RASA1: variants seen among roughly 807,000 people sequenced by gnomAD.
The protein encoded by RASA1 is ras GTPase-activating protein 1.
Under a neutral mutation model 132.2 loss-of-function variants are expected in RASA1, and 25 were observed. The ratio of observed to expected loss-of-function variants is 0.19; its 90% CI spans 0.14 to 0.26. The LOEUF is 0.26. Among genes scored for constraint, RASA1 ranks in the 10% least tolerant of loss-of-function variants. The pLI is 1.00. For missense variants in RASA1, 964 were observed against 1,299.2 expected, an observed-to-expected ratio of 0.74 and a Z score of 3.97; for synonymous variants, 477 against 449.9, an observed-to-expected ratio of 1.06 and a Z score of -0.76.
chr5:87,319,175 T>C (rs1475376373), intron 1 of RASA1, among the ~76,000 whole-genome samples: 2 of 152,194 alleles, frequency 1.3e-5, no homozygotes, highest in African/African-American at 4.8e-5. Context: ...CACAGCTGCT[T>C]TAATGGGCTG....
chr5:87,333,623 T>C (rs1462236400), intron 4 of RASA1, among the ~76,000 whole-genome samples: 1 of 152,222 alleles, frequency 6.6e-6, no homozygotes, highest in Admixed American at 6.5e-5. Flanking sequence ...CTATATGCTA[T>C]GTAAATTTTT....
chr5:87,364,574 G>A (rs752154960), intron 11 of RASA1, among the ~76,000 whole-genome samples: 12 of 152,018 alleles, frequency 7.9e-5, no homozygotes, highest in African/African-American at 2.7e-4. Context: ...CAAAGATTGC[G>A]TGAGGACAGG....
intron 15 of RASA1, among the ~76,000 whole-genome samples, chr5:87,375,117 A>G (rs1269372504): frequency 6.6e-6 from 1 of 152,230 alleles, no homozygotes; most frequent in Non-Finnish European, 1.5e-5. Context: ...ATATGGTTCA[A>G]CTGTACACAC....
intron 1 of RASA1, among the ~76,000 whole-genome samples, chr5:87,277,313 T>C (rs1754109384): frequency 6.6e-6 from 1 of 152,196 alleles, no homozygotes; most frequent in African/African-American, 2.4e-5. Context: ...AGTTCCCCCC[T>C]GTCCCCCATA....
At chr5:87,282,373 TG>T (rs1754355669) in intron 1 of RASA1, among the ~76,000 whole-genome samples, 1 of 152,236 alleles carries the variant, frequency 6.6e-6, no homozygotes. Context: ...TTTCAGAAGT[TG>T]AAAAATTTTG....
chr5:87,268,197 G>A lies in RASA1; in HGVS notation c.-255G>A, dbSNP rs138444301. 199 of 559,776 alleles carry A rather than the reference G, an allele frequency of 3.6e-4. No homozygotes were observed. In the Middle Eastern group the frequency reaches 8.4e-3, roughly 24 times the overall value. The allele number at this position is 559,776 out of a possible 1,614,324, so 34.7% of individuals were successfully genotyped here. ...TGTGTGCGTGAGTGTGGGTGTGTGCGGTGAGGTTTGGGTGGCGTTTGTGCA... is the reference window on the plus strand; with the variant it reads ...TGTGTGCGTGAGTGTGGGTGTGTGCAGTGAGGTTTGGGTGGCGTTTGTGCA... On this transcript the variant is annotated 5_prime_UTR_variant, in exon 1 of 25. Transcript: ENST00000274376.
At chr5:87,285,297 G>A (rs1754500653) in intron 1 of RASA1, among the ~76,000 whole-genome samples, 1 of 151,810 alleles carries the variant, frequency 6.6e-6, no homozygotes, top group Admixed American at 6.6e-5. Context: ...TTGATTTCTT[G>A]ACCTCGTGAT....
At chr5:87,308,874 A>T (rs1755741864) in intron 1 of RASA1, among the ~76,000 whole-genome samples, 1 of 152,202 alleles carries the variant, frequency 6.6e-6, no homozygotes, top group Admixed American at 6.5e-5. Flanking sequence ...GTAGTAGGCC[A>T]TGGCAGTTAG....
chr5:87,364,970 G>A (rs1187508925), intron 11 of RASA1, among the ~76,000 whole-genome samples: 6 of 152,126 alleles, frequency 3.9e-5, no homozygotes, highest in African/African-American at 1.4e-4. Context: ...CCATATGTAT[G>A]GGTGAAATGG....
intron 1 of RASA1, chr5:87,318,739 A>G (rs1309356810): frequency 6.6e-6 from 1 of 152,168 alleles, no homozygotes; most frequent in Non-Finnish European, 1.5e-5. Context: ...GCCAAACCAT[A>G]TCATTCTCCC....
intron 10 of RASA1, 68 bp from the exon 11 acceptor site, chr5:87,363,280 T>G (rs1309733069): frequency 1.5e-6 from 2 of 1,352,714 alleles, no homozygotes; most frequent in Non-Finnish European, 2.1e-6. Flanking sequence ...TTAGAAACAC[T>G]AATTTTAATA....
In RASA1 at chr5:87,371,742, A is replaced by T. The variant is rs971999968; in HGVS notation, c.1699-376A>T. Reference sequence around the variant, plus strand: ...CACAAAGTGTATCAAGTTAAATTCCACCTAAGCTTGCCTCAAGTATAACAG... The same window carrying T: ...CACAAAGTGTATCAAGTTAAATTCCTCCTAAGCTTGCCTCAAGTATAACAG... On this transcript the variant is annotated intron_variant, in intron 12 of 24. Coordinates refer to ENST00000274376, the MANE Select transcript of RASA1 (RefSeq NM_002890.3). 5.9e-5 allele frequency among the ~76,000 whole-genome samples: 9 copies of T among 152,152 alleles called. No individual in the cohort carries two copies. The East Asian group carries it at 1.5e-3, about 26-fold the overall frequency.
At chr5:87,304,259 C>G (rs893336427) in intron 1 of RASA1, among the ~76,000 whole-genome samples, 1 of 152,126 alleles carries the variant, frequency 6.6e-6, no homozygotes, top group African/African-American at 2.4e-5. Flanking sequence ...TAAGATACAT[C>G]TCTTATAAGT....
At chr5:87,389,309 C>T in intron 23 of RASA1, 84 bp from the exon 24 acceptor site, 1 of 1,544,606 alleles carries the variant, frequency 6.5e-7, no homozygotes, top group Non-Finnish European at 8.9e-7. Flanking sequence ...TCAGCCTGGG[C>T]AACAAGAGCG....
At chr5:87,340,650 TTG>T (rs1758365961) in intron 5 of RASA1, among the ~76,000 whole-genome samples, 1 of 152,128 alleles carries the variant, frequency 6.6e-6, no homozygotes, top group African/African-American at 2.4e-5. Context: ...GTCTTTTATA[TTG>T]AAAGTAGAAG....
chr5:87,382,674 A>C (rs1051491696), intron 20 of RASA1, among the ~76,000 whole-genome samples: 7 of 152,198 alleles, frequency 4.6e-5, no homozygotes, highest in African/African-American at 1.7e-4. Flanking sequence ...CATTGTCCCA[A>C]AGTAAAATTA....
intron 1 of RASA1, among the ~76,000 whole-genome samples, chr5:87,296,755 A>C (rs1755137411): frequency 6.6e-6 from 1 of 151,888 alleles, no homozygotes; most frequent in Non-Finnish European, 1.5e-5. Context: ...CTTGAATATG[A>C]TATGCTTAGA....
At chr5:87,354,920 C>A (rs2112436138) in intron 9 of RASA1, among the ~76,000 whole-genome samples, 1 of 152,212 alleles carries the variant, frequency 6.6e-6, no homozygotes, top group East Asian at 1.9e-4. Flanking sequence ...TTCCCTTAAG[C>A]CAAAGCCTAT....
In RASA1 at chr5:87,268,308, C is replaced by T. The variant is rs951049219; in HGVS notation, c.-144C>T. On this transcript the variant is annotated 5_prime_UTR_variant, in exon 1 of 25. Coordinates refer to ENST00000274376, the MANE Select transcript of RASA1 (RefSeq NM_002890.3). ...GTGGCCCTAGGAGGGGGCGCGGCGG[C>T]GGGCTCTCTCCTTTTGTTGTTGTTT... 31 of 1,166,728 alleles carry T rather than the reference C, an allele frequency of 2.7e-5. No individual in the cohort carries two copies. Among genetic ancestry groups the T allele is most frequent in the Non-Finnish European group, 3.6e-5 (31 of 856,496 alleles). The allele number at this position is 1,166,728 out of a possible 1,614,324, so 72.3% of individuals were successfully genotyped here.
Sources: gnomAD v4.1 joint callset for allele counts (sites outside exome capture counted in the v4.1 genomes callset) on GRCh38, gnomAD v4.1.1 for gene constraint, MANE v1.5 for transcripts, NCBI Gene and HGNC (gene_info 2026-07-23, HGNC 2026-07-21) for gene names.